NSMCE2: variants seen among roughly 807,000 people sequenced by gnomAD.
NSMCE2 encodes the protein NSE2 SUMO ligase component of SMC5/6 complex.
A neutral mutation model predicts 23.8 loss-of-function variants in NSMCE2; 24 were observed. The observed-to-expected ratio is 1.01, with a 90% CI of 0.73 to 1.42. NSMCE2 has a LOEUF of 1.42. Among genes scored for constraint, NSMCE2 ranks in the 40% most tolerant of loss-of-function variants. NSMCE2 has a pLI of 0.00. For synonymous variants in NSMCE2, 92 were observed against 94.1 expected (o/e 0.98, Z 0.13); for missense variants, 284 against 296.5 (o/e 0.96, Z 0.31).
intron 5 of NSMCE2, among the ~76,000 whole-genome samples, chr8:125,217,296 A>T (rs1245612271): frequency 1.3e-5 from 2 of 152,152 alleles, no homozygotes; most frequent in East Asian, 1.9e-4. Context: ...CTAGAGGTCT[A>T]GAGATCTTCA....
At chr8:125,302,431 A>G (rs1379074338) in intron 5 of NSMCE2, among the ~76,000 whole-genome samples, 1 of 152,132 alleles carries the variant, frequency 6.6e-6, no homozygotes. Context: ...GAGGGAAAGG[A>G]AAGTAGGAGA....
At chr8:125,266,365 A>G (rs1224364635) in intron 5 of NSMCE2, among the ~76,000 whole-genome samples, 1 of 152,234 alleles carries the variant, frequency 6.6e-6, no homozygotes, top group Non-Finnish European at 1.5e-5. Context: ...AAAAGCAACT[A>G]TGAATTCAGT....
chr8:125,147,107 C>T (rs1286239087), intron 3 of NSMCE2, among the ~76,000 whole-genome samples: 2 of 152,148 alleles, frequency 1.3e-5, no homozygotes, highest in African/African-American at 2.4e-5. Context: ...TACAGCAATG[C>T]TTTTCTCTCT....
At chr8:125,129,592 T>G (rs1819661647) in intron 3 of NSMCE2, among the ~76,000 whole-genome samples, 1 of 145,188 alleles carries the variant, frequency 6.9e-6, no homozygotes, top group Non-Finnish European at 1.5e-5. Context: ...GTGTGTTTCA[T>G]TGATATTCTG....
At chr8:125,149,174 C>T (rs1820849694) in intron 3 of NSMCE2, among the ~76,000 whole-genome samples, 1 of 152,040 alleles carries the variant, frequency 6.6e-6, no homozygotes, top group South Asian at 2.1e-4. Context: ...CTTATGTAAA[C>T]ATTACACCCT....
In NSMCE2 at chr8:125,272,795, G is replaced by A. The variant is rs1021501369; in HGVS notation, c.419-84424G>A. ...CACACACGTATATATATACACATGT[G>A]TATATATATACACACACGTATATAT... On this transcript the variant is annotated intron_variant, in intron 5 of 7. Coordinates refer to ENST00000287437, the MANE Select transcript of NSMCE2 (RefSeq NM_173685.4). Among the ~76,000 whole-genome samples the A allele has an allele frequency of 8.1e-5, 11 of 135,268 alleles. 1 individual carries two copies. The highest frequency in any genetic ancestry group is 7.0e-3 in the Middle Eastern group (2 of 284). 88.7% of individuals were successfully genotyped at this position (135,268 alleles called of 152,430 possible).
intron 4 of NSMCE2, among the ~76,000 whole-genome samples, chr8:125,177,904 T>A (rs1822575849): frequency 6.6e-6 from 1 of 152,200 alleles, no homozygotes. Flanking sequence ...CTTCAAAGTC[T>A]TACAGTTTCA....
intron 5 of NSMCE2, among the ~76,000 whole-genome samples, chr8:125,287,633 A>G (rs187932346): frequency 2.6e-5 from 4 of 152,206 alleles, no homozygotes; most frequent in African/African-American, 9.6e-5. Flanking sequence ...CTACAAACCC[A>G]CTCAACCCTT....
chr8:125,141,519 A>G (rs984180838), intron 3 of NSMCE2, among the ~76,000 whole-genome samples: 3 of 152,202 alleles, frequency 2.0e-5, no homozygotes, highest in African/African-American at 7.2e-5. Flanking sequence ...TTATCTCTAC[A>G]ATATGTTTAA....
chr8:125,305,326 A>G (rs897767162), intron 5 of NSMCE2, among the ~76,000 whole-genome samples: 1 of 152,218 alleles, frequency 6.6e-6, no homozygotes, highest in Non-Finnish European at 1.5e-5. Flanking sequence ...GCCCAGTGTC[A>G]TATAGCTAGC....
intron 5 of NSMCE2, among the ~76,000 whole-genome samples, chr8:125,255,096 A>G (rs1826350174): frequency 6.6e-6 from 1 of 151,976 alleles, no homozygotes; most frequent in African/African-American, 2.4e-5. Flanking sequence ...CCCAGCTACC[A>G]TGCTGTGATG....
intron 3 of NSMCE2, among the ~76,000 whole-genome samples, chr8:125,103,745 A>G (rs1484290842): frequency 6.6e-6 from 1 of 152,116 alleles, no homozygotes; most frequent in Non-Finnish European, 1.5e-5. Flanking sequence ...TGCAGTGTCT[A>G]ATCTGATAAT....
chr8:125,201,969 G>T (rs1484097298), intron 5 of NSMCE2, among the ~76,000 whole-genome samples: 1 of 152,178 alleles, frequency 6.6e-6, no homozygotes, highest in Non-Finnish European at 1.5e-5. Context: ...CAGGTTCTCA[G>T]GCTGCTGCGC....
intron 5 of NSMCE2, among the ~76,000 whole-genome samples, chr8:125,249,001 C>T (rs1826100869): frequency 6.6e-6 from 1 of 152,108 alleles, no homozygotes; most frequent in Admixed American, 6.5e-5. Flanking sequence ...AAAACCTTGT[C>T]TCTACTAAAA....
intron 5 of NSMCE2, among the ~76,000 whole-genome samples, chr8:125,238,372 A>G (rs1563736905): frequency 2.0e-5 from 3 of 152,242 alleles, no homozygotes; most frequent in Non-Finnish European, 4.4e-5. Flanking sequence ...TCTCTGTGAC[A>G]TGTTCAGCTT....
chr8:125,172,030 TA>T (rs2130770508), intron 4 of NSMCE2, among the ~76,000 whole-genome samples: 1 of 152,330 alleles, frequency 6.6e-6, no homozygotes, highest in South Asian at 2.1e-4. Flanking sequence ...ATTCTTTACC[TA>T]CATTAATTCA....
intron 5 of NSMCE2, among the ~76,000 whole-genome samples, chr8:125,248,639 C>T (rs1345448142): frequency 6.6e-6 from 1 of 151,484 alleles, no homozygotes; most frequent in Non-Finnish European, 1.5e-5. Context: ...GGCGACAGAG[C>T]AAGACTCCAT....
At chr8:125,224,316 A>G (rs942610894) in intron 5 of NSMCE2, among the ~76,000 whole-genome samples, 4 of 152,100 alleles carry the variant, frequency 2.6e-5, no homozygotes, top group Admixed American at 1.3e-4. Context: ...GTTTGATGCA[A>G]TCCATTTGTC....
intron 3 of NSMCE2, among the ~76,000 whole-genome samples, chr8:125,107,775 C>T (rs560249954): frequency 1.3e-5 from 2 of 152,226 alleles, no homozygotes; most frequent in Non-Finnish European, 1.5e-5. Flanking sequence ...GGCTGACACC[C>T]ATAATCCCAG....
Sources: gnomAD v4.1 joint callset for allele counts (sites outside exome capture counted in the v4.1 genomes callset) on GRCh38, gnomAD v4.1.1 for gene constraint, MANE v1.5 for transcripts, NCBI Gene and HGNC (gene_info 2026-07-23, HGNC 2026-07-21) for gene names.